Variants in SGCZ observed in about 807,000 individuals in gnomAD.
SGCZ encodes the protein sarcoglycan zeta, also known as zeta-sarcoglycan.
Under a neutral mutation model 41.3 loss-of-function variants are expected in SGCZ, and 40 were observed. That is an observed-to-expected ratio of 0.97 (90% CI 0.75 to 1.26). SGCZ has a LOEUF of 1.26. Among genes scored for constraint, SGCZ ranks in the 50% most tolerant of loss-of-function variants. The probability of loss-of-function intolerance (pLI) is 0.00; values close to 1 mark genes in which losing one functional copy is unlikely to be tolerated. For missense variants in SGCZ, 552 were observed against 369.8 expected, an observed-to-expected ratio of 1.49 and a Z score of -4.04; for synonymous variants, 206 against 137.5, an observed-to-expected ratio of 1.50 and a Z score of -3.49.
At chr8:14,599,226 C>G (rs1249735095) in intron 1 of SGCZ, among the ~76,000 whole-genome samples, 1 of 150,704 alleles carries the variant, frequency 6.6e-6, no homozygotes, top group South Asian at 2.1e-4. Flanking sequence ...AAGGATTCAA[C>G]CAGCACTCCC....
chr8:15,038,283 G>C (rs1293902298), intron 1 of SGCZ, among the ~76,000 whole-genome samples: 1 of 152,032 alleles, frequency 6.6e-6, no homozygotes, highest in East Asian at 1.9e-4. Flanking sequence ...GTAAAATAGA[G>C]AGCCCAGAAA....
At chr8:15,159,663 G>A (rs1234415760) in intron 1 of SGCZ, among the ~76,000 whole-genome samples, 1 of 151,638 alleles carries the variant, frequency 6.6e-6, no homozygotes, top group East Asian at 1.9e-4. Flanking sequence ...TTTGTGAGTG[G>A]TGTGAGAACA....
chr8:15,039,783 A>G (rs1038613265), intron 1 of SGCZ, among the ~76,000 whole-genome samples: 2 of 152,218 alleles, frequency 1.3e-5, no homozygotes, highest in Admixed American at 1.3e-4. Context: ...CTTGAGAACC[A>G]GGAATACGAA....
At chr8:14,332,847 G>A (rs537930237) in intron 2 of SGCZ, among the ~76,000 whole-genome samples, 2 of 150,494 alleles carry the variant, frequency 1.3e-5, no homozygotes, top group East Asian at 2.0e-4. Flanking sequence ...TATAGTGTGT[G>A]TATATATATA....
intron 1 of SGCZ, among the ~76,000 whole-genome samples, chr8:15,211,894 G>T (rs989375970): frequency 1.3e-5 from 2 of 152,012 alleles, no homozygotes; most frequent in Admixed American, 6.6e-5. Context: ...TTTGATTAGG[G>T]TTCACTTTTG....
chr8:14,171,720 A>G (rs1452661805), intron 4 of SGCZ, among the ~76,000 whole-genome samples: 2 of 151,972 alleles, frequency 1.3e-5, no homozygotes, highest in African/African-American at 4.8e-5. Context: ...ACCTCCTAAT[A>G]TATTTATTTA....
At chr8:14,794,900 G>GA (rs935050193) in intron 1 of SGCZ, among the ~76,000 whole-genome samples, 3 of 152,088 alleles carry the variant, frequency 2.0e-5, no homozygotes, top group Non-Finnish European at 4.4e-5. Flanking sequence ...AAAATCTAAA[G>GA]AAAAATAACT....
intron 1 of SGCZ, among the ~76,000 whole-genome samples, chr8:14,733,388 T>G (rs2130248083): frequency 6.6e-6 from 1 of 152,316 alleles, no homozygotes; most frequent in South Asian, 2.1e-4. Context: ...CATCCCCATA[T>G]GGCCCTGCCT....
intron 2 of SGCZ, among the ~76,000 whole-genome samples, chr8:14,438,307 G>T (rs527316494): frequency 1.3e-5 from 2 of 151,938 alleles, no homozygotes; most frequent in Non-Finnish European, 2.9e-5. Flanking sequence ...GGTCAATAGA[G>T]TGTATTTATC....
chr8:14,362,501 C>G (rs1354590139), intron 2 of SGCZ, among the ~76,000 whole-genome samples: 1 of 152,206 alleles, frequency 6.6e-6, no homozygotes, highest in African/African-American at 2.4e-5. Context: ...ACCCAAAAGC[C>G]AGGCACAAGA....
intron 2 of SGCZ, among the ~76,000 whole-genome samples, chr8:14,431,264 G>A (rs62499689): frequency 0.2 from 30,757 of 152,076 alleles, 3,695 homozygotes; most frequent in Non-Finnish European, 0.28. Context: ...AAAGCTGGAG[G>A]CATCACATTA....
At chr8:15,235,471 A>C (rs980136269) in intron 1 of SGCZ, among the ~76,000 whole-genome samples, 12 of 152,148 alleles carry the variant, frequency 7.9e-5, no homozygotes, top group Admixed American at 5.9e-4. Context: ...ATTTCTTCCC[A>C]GTCAGTCATT....
chr8:15,019,534 T>A (rs115690594), intron 1 of SGCZ, among the ~76,000 whole-genome samples: 141 of 152,214 alleles, frequency 9.3e-4, no homozygotes, highest in Middle Eastern at 3.4e-3. Flanking sequence ...TAGGCAAAGA[T>A]AGGCCTGAGG....
At chr8:15,006,558 T>C (rs1214408816) in intron 1 of SGCZ, among the ~76,000 whole-genome samples, 1 of 152,152 alleles carries the variant, frequency 6.6e-6, no homozygotes, top group African/African-American at 2.4e-5. Context: ...GAAAATATAG[T>C]TCATAATTAA....
At chr8:14,458,499 G>A (rs1800812274) in intron 2 of SGCZ, among the ~76,000 whole-genome samples, 2 of 152,182 alleles carry the variant, frequency 1.3e-5, no homozygotes, top group South Asian at 4.1e-4. Context: ...TGTCTCAATA[G>A]TGAGGAAAGA....
At chr8:14,486,591 C>A (rs768689364) in intron 2 of SGCZ, among the ~76,000 whole-genome samples, 11 of 152,296 alleles carry the variant, frequency 7.2e-5, no homozygotes, top group Middle Eastern at 3.4e-3. Flanking sequence ...CGCGCGCGTG[C>A]GCACGTGTGT....
intron 3 of SGCZ, among the ~76,000 whole-genome samples, chr8:14,254,215 G>A (rs116167166): frequency 0.03 from 4,512 of 152,030 alleles, 227 homozygotes; most frequent in African/African-American, 0.1. Context: ...CGGCAGTTAA[G>A]GCAGAATAAA....
chr8:14,793,138 GTC>G (rs1158909330), intron 1 of SGCZ, among the ~76,000 whole-genome samples: 3 of 152,204 alleles, frequency 2.0e-5, no homozygotes, highest in East Asian at 1.9e-4. Context: ...TAAAACTCTA[GTC>G]TCTCTTTCCT....
At chr8:14,886,988 C>A (rs116340465) in intron 1 of SGCZ, among the ~76,000 whole-genome samples, 2,032 of 152,060 alleles carry the variant, frequency 0.013, 20 homozygotes, top group African/African-American at 0.033. Context: ...AAGAGGTCAA[C>A]GATGACGTCA....
Sources: gnomAD v4.1 joint callset for allele counts (sites outside exome capture counted in the v4.1 genomes callset) on GRCh38, gnomAD v4.1.1 for gene constraint, MANE v1.5 for transcripts, NCBI Gene and HGNC (gene_info 2026-07-23, HGNC 2026-07-21) for gene names.